Variants in HS3ST3A1 observed in about 807,000 individuals in gnomAD.
HS3ST3A1 encodes the protein heparan sulfate glucosamine 3-O-sulfotransferase 3A1.
In HS3ST3A1, 19 loss-of-function variants were observed where a neutral mutation model predicts 25.7. That is an observed-to-expected ratio of 0.74 (90% confidence interval 0.52 to 1.08). The LOEUF (loss-of-function observed/expected upper bound fraction) is 1.08. Among genes scored for constraint, HS3ST3A1 ranks in the 50% least tolerant of loss-of-function variants. The pLI is 0.00. For synonymous variants in HS3ST3A1, 226 were observed against 278.6 expected (o/e 0.81, Z 1.88); for missense variants, 459 against 594.3 (o/e 0.77, Z 2.37).
intron 1 of HS3ST3A1, among the ~76,000 whole-genome samples, chr17:13,529,955 A>C (rs1424475865): frequency 6.6e-6 from 1 of 152,022 alleles, no homozygotes; most frequent in Non-Finnish European, 1.5e-5. Flanking sequence ...AATGAGTTCT[A>C]GTGCTACAAA....
chr17:13,526,419 A>G (rs918565022), intron 1 of HS3ST3A1, among the ~76,000 whole-genome samples: 27 of 147,324 alleles, frequency 1.8e-4, no homozygotes, highest in African/African-American at 6.5e-4. Context: ...GGGGAAGGAA[A>G]CACTTAAAGC....
At chr17:13,500,775 G>T (rs1190275659) in intron 1 of HS3ST3A1, among the ~76,000 whole-genome samples, 1 of 152,184 alleles carries the variant, frequency 6.6e-6, no homozygotes, top group Non-Finnish European at 1.5e-5. Flanking sequence ...AATTTCACAA[G>T]CGAATTAAGA....
At chr17:13,497,117 T>C (rs1194657673) in intron 1 of HS3ST3A1, among the ~76,000 whole-genome samples, 11 of 152,244 alleles carry the variant, frequency 7.2e-5, no homozygotes, top group Non-Finnish European at 1.5e-5. Flanking sequence ...TTCTGTGTTT[T>C]ATTATTGTTT....
At chr17:13,521,301 G>T (rs1377239787) in intron 1 of HS3ST3A1, among the ~76,000 whole-genome samples, 2 of 152,206 alleles carry the variant, frequency 1.3e-5, no homozygotes, top group African/African-American at 4.8e-5. Context: ...TTTCAGATGT[G>T]TCAGCCCTTC....
intron 1 of HS3ST3A1, among the ~76,000 whole-genome samples, chr17:13,534,547 C>CGAAAAAA (rs1906708737): frequency 3.0e-5 from 1 of 32,816 alleles, no homozygotes; most frequent in Non-Finnish European, 5.9e-5. Context: ...CTACAAAATC[C>CGAAAAAA]AAAAAAAAAA....
At chr17:13,500,527 C>G (rs1191317303) in intron 1 of HS3ST3A1, among the ~76,000 whole-genome samples, 5 of 152,110 alleles carry the variant, frequency 3.3e-5, no homozygotes, top group Non-Finnish European at 7.3e-5. Flanking sequence ...CCTGAAGACA[C>G]AACAGGTGAA....
chr17:13,588,799 T>C (rs1489562068), intron 1 of HS3ST3A1, among the ~76,000 whole-genome samples: 1 of 152,086 alleles, frequency 6.6e-6, no homozygotes, highest in East Asian at 1.9e-4. Flanking sequence ...TTCTCCTGCC[T>C]CAGCCTCCCA....
intron 1 of HS3ST3A1, among the ~76,000 whole-genome samples, chr17:13,523,217 C>A (rs1006507023): frequency 5.3e-5 from 8 of 152,036 alleles, no homozygotes; most frequent in Admixed American, 2.6e-4. Context: ...AAAAAAACAA[C>A]CCAATCTGCA....
chr17:13,568,960 T>A (rs1259195041), intron 1 of HS3ST3A1, among the ~76,000 whole-genome samples: 4 of 152,170 alleles, frequency 2.6e-5, no homozygotes, highest in Non-Finnish European at 5.9e-5. Context: ...ATGAGAGACT[T>A]TTTTTATTTT....
chr17:13,559,898 G>GT (rs923940904), intron 1 of HS3ST3A1, among the ~76,000 whole-genome samples: 2 of 151,630 alleles, frequency 1.3e-5, no homozygotes, highest in East Asian at 1.9e-4. Context: ...TTTGGTTTTG[G>GT]TTTTTTTGCA....
At chr17:13,503,890 A>G (rs1263908563) in intron 1 of HS3ST3A1, among the ~76,000 whole-genome samples, 4 of 152,236 alleles carry the variant, frequency 2.6e-5, no homozygotes, top group African/African-American at 9.6e-5. Flanking sequence ...ATGTTCACCA[A>G]AAGACATGTT....
intron 1 of HS3ST3A1, among the ~76,000 whole-genome samples, chr17:13,504,495 A>T (rs1276421007): frequency 6.6e-6 from 1 of 152,172 alleles, no homozygotes; most frequent in African/African-American, 2.4e-5. Flanking sequence ...TGTCTAGAAG[A>T]GGGCATGAGA....
intron 1 of HS3ST3A1, among the ~76,000 whole-genome samples, chr17:13,497,246 G>T (rs1248874921): frequency 1.3e-5 from 2 of 152,074 alleles, no homozygotes; most frequent in Non-Finnish European, 2.9e-5. Context: ...CCTTCCTGTA[G>T]TTTTCTTATA....
intron 1 of HS3ST3A1, among the ~76,000 whole-genome samples, chr17:13,534,951 G>A (rs1240049520): frequency 2.0e-5 from 3 of 152,074 alleles, no homozygotes; most frequent in Non-Finnish European, 1.5e-5. Context: ...ACTTGAACCT[G>A]GGAGGCAGAG....
Position 13,601,196 on chromosome 17 carries a change from G to A in HS3ST3A1, c.-67C>T. The A allele has an allele frequency of 8.1e-7, 1 of 1,239,170 alleles. No homozygotes were observed. Among genetic ancestry groups the A allele is most frequent in the Non-Finnish European group, 1.1e-6 (1 of 935,230 alleles). The allele number at this position is 1,239,170 out of a possible 1,614,324, so 76.8% of individuals were successfully genotyped here. A position where few individuals can be genotyped will look rare whatever the true frequency, so the allele number is the denominator to read the frequency against. On this transcript the variant is annotated 5_prime_UTR_variant, in exon 1 of 2. Coordinates refer to ENST00000284110, the MANE Select transcript of HS3ST3A1 (RefSeq NM_006042.3). ...GGCCTGGACCCCGACAGGTGCCAGA[G>A]CATCCCCCCGGCGGGCCAGCGCGCT...
intron 1 of HS3ST3A1, among the ~76,000 whole-genome samples, chr17:13,513,951 T>C: frequency 6.6e-6 from 1 of 152,242 alleles, no homozygotes; most frequent in East Asian, 1.9e-4. Context: ...AAAGTATATA[T>C]TTTCTCATAC....
intron 1 of HS3ST3A1, among the ~76,000 whole-genome samples, chr17:13,574,570 T>C (rs901610032): frequency 2.6e-5 from 4 of 151,728 alleles, no homozygotes; most frequent in Admixed American, 6.6e-5. Context: ...TACAAAAAAT[T>C]AGCGGGACAT....
intron 1 of HS3ST3A1, among the ~76,000 whole-genome samples, chr17:13,503,672 C>T (rs1905563759): frequency 6.6e-6 from 1 of 152,092 alleles, no homozygotes; most frequent in African/African-American, 2.4e-5. Flanking sequence ...AACACAATAC[C>T]ATACTATGAC....
intron 1 of HS3ST3A1, among the ~76,000 whole-genome samples, chr17:13,512,776 A>T (rs1382712171): frequency 5.3e-5 from 8 of 152,158 alleles, no homozygotes; most frequent in Non-Finnish European, 1.2e-4. Context: ...AATAAATTGT[A>T]CTGCGTAAGT....
Sources: allele counts gnomAD v4.1 joint callset (sites outside exome capture counted in the v4.1 genomes callset), GRCh38; gene constraint gnomAD v4.1.1; transcripts MANE v1.5; gene names NCBI Gene and HGNC (gene_info 2026-07-23, HGNC 2026-07-21).